Variants in CPNE8 observed in about 807,000 individuals in gnomAD.
The protein encoded by CPNE8 is copine-8.
In CPNE8, 45 loss-of-function variants were observed where a neutral mutation model predicts 81.5. The observed-to-expected ratio is 0.55, with a 90% confidence interval of 0.44 to 0.71. The LOEUF (loss-of-function observed/expected upper bound fraction) is 0.71, where lower values mean the gene tolerates loss of function less well. Among genes scored for constraint, CPNE8 ranks in the 30% least tolerant of loss-of-function variants. The pLI is 0.00. For synonymous variants in CPNE8, 252 were observed against 226.3 expected, an observed-to-expected ratio of 1.11 and a Z score of -1.02; for missense variants, 594 against 672.1, an observed-to-expected ratio of 0.88 and a Z score of 1.28.
intron 3 of CPNE8, among the ~76,000 whole-genome samples, chr12:38,867,339 T>TGA (rs367740036): frequency 0.018 from 2,160 of 121,968 alleles, 24 homozygotes; most frequent in South Asian, 0.038. Flanking sequence ...TGTGTGTGTG[T>TGA]GAGAGAGAGA....
chr12:38,727,491 T>TA (rs376919669), intron 11 of CPNE8, among the ~76,000 whole-genome samples: 12 of 152,046 alleles, frequency 7.9e-5, no homozygotes, highest in Admixed American at 5.2e-4. Context: ...AAACAAAACT[T>TA]AAAAAAAATG....
At chr12:38,774,865 C>A (rs1056864453) in intron 7 of CPNE8, among the ~76,000 whole-genome samples, 3 of 152,084 alleles carry the variant, frequency 2.0e-5, no homozygotes, top group Non-Finnish European at 4.4e-5. Flanking sequence ...ATGAGCACAA[C>A]AACAGAAAGG....
intron 1 of CPNE8, among the ~76,000 whole-genome samples, chr12:38,901,419 G>A (rs1372802277): frequency 2.0e-5 from 3 of 152,040 alleles, no homozygotes; most frequent in East Asian, 1.9e-4. Flanking sequence ...AGGAAAACAG[G>A]TGATTACTGC....
chr12:38,902,320 GAAAGAAAGAAA>G (rs1944481934), intron 1 of CPNE8, among the ~76,000 whole-genome samples: 612 of 58,664 alleles, frequency 0.01, 7 homozygotes, highest in Middle Eastern at 0.018. Context: ...AGGAAGGAAA[GAAAGAAAGAAA>G]GAAAGAAAGA....
chr12:38,826,975 C>T (rs901055793), intron 6 of CPNE8, among the ~76,000 whole-genome samples: 1 of 148,484 alleles, frequency 6.7e-6, no homozygotes, highest in Non-Finnish European at 1.5e-5. Context: ...CGAGACCAGC[C>T]TGACCAACAT....
chr12:38,880,071 G>A (rs190032960), intron 1 of CPNE8, among the ~76,000 whole-genome samples: 59 of 152,258 alleles, frequency 3.9e-4, no homozygotes, highest in Admixed American at 3.3e-3. Context: ...CAAAAATACA[G>A]TTTATAAGTA....
intron 6 of CPNE8, among the ~76,000 whole-genome samples, chr12:38,790,068 G>A (rs556616505): frequency 2.6e-5 from 4 of 151,634 alleles, no homozygotes; most frequent in South Asian, 2.1e-4. Context: ...TAGAGCTATC[G>A]TAAGATCCAA....
intron 10 of CPNE8, among the ~76,000 whole-genome samples, chr12:38,754,513 C>T (rs760283608): frequency 2.4e-4 from 37 of 151,774 alleles, no homozygotes; most frequent in South Asian, 6.3e-4. Flanking sequence ...ATGTTGAACA[C>T]ATAATGAGTG....
intron 4 of CPNE8, among the ~76,000 whole-genome samples, chr12:38,843,515 C>A (rs1001025446): frequency 6.6e-6 from 1 of 151,964 alleles, no homozygotes; most frequent in Admixed American, 6.6e-5. Context: ...GGGATGCCTG[C>A]AAGGTATCTG....
chr12:38,792,888 A>G (rs1942358922), intron 6 of CPNE8, among the ~76,000 whole-genome samples: 1 of 151,884 alleles, frequency 6.6e-6, no homozygotes, highest in Admixed American at 6.6e-5. Context: ...ATACACCATC[A>G]CCAGCTGGTA....
intron 6 of CPNE8, among the ~76,000 whole-genome samples, chr12:38,821,092 A>T (rs1367202754): frequency 6.6e-6 from 1 of 152,210 alleles, no homozygotes; most frequent in East Asian, 1.9e-4. Context: ...CTTTGAAAAA[A>T]ATCGTAAATT....
At chr12:38,789,542 CA>C (rs1389578076) in intron 6 of CPNE8, among the ~76,000 whole-genome samples, 1 of 151,536 alleles carries the variant, frequency 6.6e-6, no homozygotes, top group Non-Finnish European at 1.5e-5. Context: ...TTGGTCTGAG[CA>C]AAAATTTCTT....
chr12:38,771,843 G>C (rs1381618831), intron 7 of CPNE8, among the ~76,000 whole-genome samples: 1 of 152,134 alleles, frequency 6.6e-6, no homozygotes, highest in Non-Finnish European at 1.5e-5. Flanking sequence ...CTTCTGCTCA[G>C]CAAAGGAAAC....
chr12:38,823,943 G>A (rs1943148821), intron 6 of CPNE8, among the ~76,000 whole-genome samples: 1 of 152,126 alleles, frequency 6.6e-6, no homozygotes, highest in Non-Finnish European at 1.5e-5. Context: ...CTAAAGAGAG[G>A]AGCCGATGAG....
Position 38,759,528 on chromosome 12 carries a change from C to T in CPNE8, c.722+1319G>A, listed in dbSNP as rs368862011. 8.3e-4 allele frequency among the ~76,000 whole-genome samples: 126 copies of T among 152,146 alleles called. No homozygotes were observed. The East Asian group carries it at 9.1e-3, about 11-fold the overall frequency. On this transcript the variant is annotated intron_variant, in intron 10 of 19. Coordinates refer to ENST00000331366, the MANE Select transcript of CPNE8 (RefSeq NM_153634.3). ...TAACCAAATGAATACCTGGCAGAAA[C>T]GTAAAGATCAGTAGCATAGCATGGA...
Position 38,799,807 on chromosome 12 carries a change from G to T in CPNE8, c.408-23506C>A, listed in dbSNP as rs530389745. Among the ~76,000 whole-genome samples the T allele has an allele frequency of 1.5e-3, 216 of 142,850 alleles. 2 individuals are homozygous for T. The highest frequency in any genetic ancestry group is 5.0e-3 in the African/African-American group (203 of 40,942). 93.7% of individuals were successfully genotyped at this position (142,850 alleles called of 152,430 possible). On this transcript the variant is annotated intron_variant, in intron 6 of 19. Transcript: ENST00000331366. ...GCAGGCCAGTGTGTGCGCGCACCGT[G>T]CGCGAGCCGAAGCAGGGCGAGGCAT...
At chr12:38,687,608 C>A (rs1210665513) in intron 15 of CPNE8, among the ~76,000 whole-genome samples, 1 of 151,962 alleles carries the variant, frequency 6.6e-6, no homozygotes, top group Non-Finnish European at 1.5e-5. Context: ...TCTCGAACTC[C>A]TGACCTCAGG....
At chr12:38,683,439 A>T (rs1037361231) in intron 16 of CPNE8, among the ~76,000 whole-genome samples, 2 of 152,134 alleles carry the variant, frequency 1.3e-5, no homozygotes, top group Non-Finnish European at 2.9e-5. Flanking sequence ...ACTGTTGATA[A>T]GCTTTTAAGA....
At chr12:38,766,937 C>T (rs1054233424) in intron 8 of CPNE8, among the ~76,000 whole-genome samples, 6 of 152,082 alleles carry the variant, frequency 3.9e-5, no homozygotes, top group East Asian at 3.9e-4. Context: ...GAGGAGAAAA[C>T]GGAATCTCAC....
Sources: allele counts gnomAD v4.1 joint callset (sites outside exome capture counted in the v4.1 genomes callset), GRCh38; gene constraint gnomAD v4.1.1; transcripts MANE v1.5; gene names NCBI Gene and HGNC (gene_info 2026-07-23, HGNC 2026-07-21).